DHRS7C: variants seen among roughly 807,000 people sequenced by gnomAD.
The protein encoded by DHRS7C is dehydrogenase/reductase SDR family member 7C.
A neutral mutation model predicts 29.6 loss-of-function variants in DHRS7C; 28 were observed. The observed-to-expected ratio is 0.95, with a 90% confidence interval of 0.70 to 1.30. The LOEUF is 1.30. Among genes scored for constraint, DHRS7C ranks in the 50% most tolerant of loss-of-function variants. The probability of loss-of-function intolerance (pLI) is 0.00; values close to 1 mark genes in which losing one functional copy is unlikely to be tolerated. For synonymous variants in DHRS7C, 158 were observed against 160.2 expected (o/e 0.99, Z 0.10); for missense variants, 403 against 393.3 (o/e 1.02, Z -0.21).
At chr17:9,773,605 A>C (rs1341088839) in intron 4 of DHRS7C, among the ~76,000 whole-genome samples, 2 of 152,036 alleles carry the variant, frequency 1.3e-5, no homozygotes, top group African/African-American at 2.4e-5. Flanking sequence ...CAGAAGGGGC[A>C]GAAGGTGGAT....
rs1286500041 is a variant in DHRS7C at position 9,781,517 on chromosome 17, A to G, written c.232T>C (p.Tyr78His). The change falls in exon 2 of 6, where the codon TAT becomes CAT. Residue 78 changes from tyrosine to histidine, a missense_variant. By Grantham distance (83) the Tyr-to-His change is moderately conservative. Transcript: ENST00000571134. The part of the protein sequence containing the change: ...GKNWERLENL[Y>H]DALISVADPS... ...TCAGCCACGCTGATCAAGGCATCAT[A>G]TAGGTTCTCTAGCCTCTCCCAGTTC... 1.2e-6 allele frequency: 2 copies of G among 1,613,980 alleles called. No homozygotes were observed. The highest frequency in any genetic ancestry group is 2.2e-5 in the East Asian group (1 of 44,872).
At chr17:9,782,636 AGGCAT>A (rs1335031994) in intron 1 of DHRS7C, among the ~76,000 whole-genome samples, 5 of 152,204 alleles carry the variant, frequency 3.3e-5, no homozygotes, top group African/African-American at 1.2e-4. Flanking sequence ...TTGGGAAAGG[AGGCAT>A]CTGCACGCCA....
Position 9,771,522 on chromosome 17 carries a change from A to T in DHRS7C, c.902T>A (p.Val301Glu). ...EFFFAVVACG[V>E]KEKLNVPEEG ...CTCCGGGACATTGAGCTTCTCCTTCACCCCACAGGCCACCACGGCGAAAAA... is the reference window on the plus strand; with the variant it reads ...CTCCGGGACATTGAGCTTCTCCTTCTCCCCACAGGCCACCACGGCGAAAAA... Residue 301 changes from valine to glutamate, a missense_variant, in exon 6 of 6, where the codon GTG (valine) becomes GAG (glutamate). Physicochemically the swap from Val to Glu is moderately radical, Grantham distance 121. Coordinates refer to ENST00000571134, the MANE Select transcript of DHRS7C (RefSeq NM_001105571.3). The T allele has an allele frequency of 3.2e-6, 5 of 1,562,072 alleles. No homozygotes were observed. The highest frequency in any genetic ancestry group is 4.3e-6 in the Non-Finnish European group (5 of 1,150,028).
chr17:9,790,796 C>T (rs1042948500), intron 1 of DHRS7C, among the ~76,000 whole-genome samples: 6 of 152,212 alleles, frequency 3.9e-5, no homozygotes, highest in African/African-American at 1.4e-4. Flanking sequence ...AGTCTGGGCT[C>T]ACAACCAGTA....
At chr17:9,781,396 C>T (rs2066391968) in intron 2 of DHRS7C, 86 bp downstream of exon 2, 4 of 1,256,734 alleles carry the variant, frequency 3.2e-6, no homozygotes, top group Non-Finnish European at 4.6e-6. Context: ...AAGTTTCCTC[C>T]ACTTGGTCCA....
rs534079883 is a variant in DHRS7C, at chr17:9,775,999, C to T, written c.571+1194G>A. ...GGTGAATCACCAGAGGTCAGGAGTT[C>T]GAGATCAGCCTGGCCAATATGGGGA... On this transcript the variant is annotated intron_variant, in intron 4 of 5. Coordinates refer to ENST00000571134, the MANE Select transcript of DHRS7C (RefSeq NM_001105571.3). The surrounding 1 kb of genome is among the most constrained non-coding windows in gnomAD (Gnocchi z 4.2). Among the ~76,000 whole-genome samples, 406 of 152,192 alleles carry T rather than the reference C, an allele frequency of 2.7e-3. 3 individuals are homozygous for T. Among genetic ancestry groups the T allele is most frequent in the African/African-American group, 9.3e-3 (388 of 41,522 alleles).
intron 2 of DHRS7C, among the ~76,000 whole-genome samples, chr17:9,780,418 G>A (rs1419635452): frequency 6.8e-6 from 1 of 146,256 alleles, no homozygotes; most frequent in Non-Finnish European, 1.5e-5. Flanking sequence ...TTTTCAACCT[G>A]GCTTGCAAGT....
chr17:9,772,803 GAT>G lies in DHRS7C; in HGVS notation c.689_690del (p.Tyr230SerfsTer?), dbSNP rs1237933835. 1 of 1,613,858 alleles carries G rather than the reference GAT, an allele frequency of 6.2e-7. No homozygotes were observed. The highest frequency in any genetic ancestry group is 8.5e-7 in the Non-Finnish European group (1 of 1,179,896). On this transcript the variant is annotated frameshift_variant, in exon 5 of 6. Coordinates refer to ENST00000571134, the MANE Select transcript of DHRS7C (RefSeq NM_001105571.3). LOFTEE classifies it high-confidence loss of function. ...GAAGCTTCCCAGTTTCCTTGCTCTG[GAT>G]ACACGTGGTACGACCGGATGAAAGT... ...SPTFIRSYHV[Y>X]PEQGNWEASI...
At chr17:9,784,072 C>A (rs1239885951) in intron 1 of DHRS7C, among the ~76,000 whole-genome samples, 2 of 150,902 alleles carry the variant, frequency 1.3e-5, no homozygotes, top group South Asian at 2.1e-4. Context: ...CAGAAATAGA[C>A]GAAGATAGAG....
chr17:9,781,686 A>G (rs1298439497), intron 1 of DHRS7C, 92 bp from the exon 2 acceptor site: 3 of 1,280,766 alleles, frequency 2.3e-6, no homozygotes, highest in Non-Finnish European at 3.3e-6. Flanking sequence ...GAATTCAAAA[A>G]ACTCAGAAGT....
intron 1 of DHRS7C, among the ~76,000 whole-genome samples, chr17:9,786,165 A>C (rs1332302475): frequency 1.3e-5 from 2 of 151,848 alleles, no homozygotes; most frequent in Non-Finnish European, 2.9e-5. Context: ...TCTACTAAAA[A>C]TACAAAAAAA....
At chr17:9,785,268 G>A (rs1255280958) in intron 1 of DHRS7C, 1 of 152,246 alleles carries the variant, frequency 6.6e-6, no homozygotes, top group Non-Finnish European at 1.5e-5. Context: ...TCGCCCATGG[G>A]CCCAGGCTGG....
intron 1 of DHRS7C, among the ~76,000 whole-genome samples, chr17:9,781,910 G>A (rs57664724): frequency 0.03 from 4,610 of 152,272 alleles, 122 homozygotes; most frequent in Admixed American, 0.077. Flanking sequence ...CCCCAGGACC[G>A]CAGCCCTAGA....
In DHRS7C at chr17:9,785,422, G is replaced by A. The variant is rs1567703470; in HGVS notation, c.155-3828C>T. On this transcript the variant is annotated intron_variant, in intron 1 of 5. Transcript: ENST00000571134. ...GCCAATGCCCTGAGGGCAGAGAAAA[G>A]GAAAACTGGGACCTCTTCATTGGGG... is the stretch of plus-strand genomic sequence containing the variant. 2.6e-5 allele frequency among the ~76,000 whole-genome samples: 4 copies of A among 152,190 alleles called. No individual in the cohort carries two copies. In the South Asian group the frequency reaches 8.3e-4, roughly 32 times the overall value.
In DHRS7C at chr17:9,774,264, G is replaced by A. The variant is rs972780997; in HGVS notation, c.572-1342C>T. ...ATCAGTGGGGCAGACACGTGGACAG[G>A]TAACTTTCCATGTGGTGTTTTTTGT... On this transcript the variant is annotated intron_variant, in intron 4 of 5. Coordinates refer to ENST00000571134, the MANE Select transcript of DHRS7C (RefSeq NM_001105571.3). The surrounding 1 kb of genome is among the most constrained non-coding windows in gnomAD (Gnocchi z 5.0). Among the ~76,000 whole-genome samples, 1 of 152,082 alleles carries A rather than the reference G, an allele frequency of 6.6e-6. No homozygotes were observed. The highest frequency in any genetic ancestry group is 2.4e-5 in the African/African-American group (1 of 41,406).
At chr17:9,773,529 G>A (rs1169573936) in intron 4 of DHRS7C, among the ~76,000 whole-genome samples, 1 of 152,046 alleles carries the variant, frequency 6.6e-6, no homozygotes, top group Non-Finnish European at 1.5e-5. Context: ...AGAGCTTTGG[G>A]AAGTTAGAGC....
chr17:9,785,592 G>T (rs781152211), intron 1 of DHRS7C, among the ~76,000 whole-genome samples: 3 of 152,192 alleles, frequency 2.0e-5, no homozygotes, highest in Non-Finnish European at 4.4e-5. Flanking sequence ...GGAGTAGACT[G>T]CCCGGGAACC....
chr17:9,778,924 CT>C (rs1182137659), intron 3 of DHRS7C, among the ~76,000 whole-genome samples: 1 of 151,776 alleles, frequency 6.6e-6, no homozygotes, highest in Non-Finnish European at 1.5e-5. Flanking sequence ...TTTAACTTTT[CT>C]TTTTTTTAGA....
chr17:9,781,074 A>G lies in DHRS7C; in HGVS notation c.267+408T>C, dbSNP rs145309465. On this transcript the variant is annotated intron_variant, in intron 2 of 5. Transcript: ENST00000571134. ...ACCTTTGGAAACTGCAGCCTTTTTG[A>G]AATAAGTGTTCACTTCCTGGGAGAG... 2.2e-3 allele frequency among the ~76,000 whole-genome samples: 334 copies of G among 152,286 alleles called. 1 individual carries two copies. Among genetic ancestry groups the G allele is most frequent in the African/African-American group, 7.1e-3 (296 of 41,568 alleles).
Sources: gnomAD v4.1 joint callset for allele counts (sites outside exome capture counted in the v4.1 genomes callset) on GRCh38, gnomAD v4.1.1 for gene constraint, Gnocchi (gnomAD v3.1) non-coding constraint, MANE v1.5 for transcripts, NCBI Gene and HGNC (gene_info 2026-07-23, HGNC 2026-07-21) for gene names.